The following OSBPL3 variants were observed in gnomAD, a reference collection of about 807,000 sequenced individuals.
The protein encoded by OSBPL3 is oxysterol-binding protein-related protein 3.
Under a neutral mutation model 120.1 loss-of-function variants are expected in OSBPL3, and 65 were observed. The ratio of observed to expected loss-of-function variants is 0.54; its 90% confidence interval spans 0.44 to 0.67. The LOEUF (loss-of-function observed/expected upper bound fraction) is 0.67, where lower values mean the gene tolerates loss of function less well. Ranked by LOEUF, OSBPL3 falls within the 30% of genes least tolerant of loss-of-function variation. OSBPL3 has a pLI of 0.00. For synonymous variants in OSBPL3, 416 were observed against 402.6 expected (o/e 1.03, Z -0.40); for missense variants, 1,004 against 1,082.1 (o/e 0.93, Z 1.01).
rs779132863 is a variant in OSBPL3, at chr7:24,965,729, T to C, written c.-150+14157A>G. 1.3e-5 allele frequency among the ~76,000 whole-genome samples: 2 copies of C among 152,198 alleles called. No individual in the cohort carries two copies. The highest frequency in any genetic ancestry group is 2.9e-5 in the Non-Finnish European group (2 of 68,036). On this transcript the variant is annotated intron_variant, in intron 1 of 22. Coordinates refer to ENST00000313367, the MANE Select transcript of OSBPL3 (RefSeq NM_015550.4). This position sits in a 1 kb window ranked among gnomAD's most constrained non-coding sequence, Gnocchi z 4.3. ...TTATTAAATAATTAATTTGTTTGTTTTTGTGGAGACTGAGTCTCAGTATTC... is the reference window on the plus strand; with the variant it reads ...TTATTAAATAATTAATTTGTTTGTTCTTGTGGAGACTGAGTCTCAGTATTC...
intron 2 of OSBPL3, 118 bp downstream of exon 2, chr7:24,892,259 C>G: frequency 1.0e-6 from 1 of 981,282 alleles, no homozygotes; most frequent in Non-Finnish European, 1.5e-6. Context: ...CAAGAGATAA[C>G]CAAAAGTAAA....
chr7:24,869,163 A>G (rs1221998648), intron 5 of OSBPL3, among the ~76,000 whole-genome samples: 1 of 152,228 alleles, frequency 6.6e-6, no homozygotes, highest in Non-Finnish European at 1.5e-5. Context: ...ACTTAAAGCA[A>G]ATCACACAGA....
chr7:24,941,203 T>G (rs555185953), intron 1 of OSBPL3, among the ~76,000 whole-genome samples: 2 of 152,210 alleles, frequency 1.3e-5, no homozygotes, highest in Non-Finnish European at 2.9e-5. Context: ...TAAGAAATGT[T>G]GCCCTGAACC....
rs1814951139 is a variant in OSBPL3 at position 24,955,621 on chromosome 7, T to A, written c.-150+24265A>T. Among the ~76,000 whole-genome samples, 1 of 152,326 alleles carries A rather than the reference T, an allele frequency of 6.6e-6. No homozygotes were observed. Among genetic ancestry groups the A allele is most frequent in the East Asian group, 1.9e-4 (1 of 5,190 alleles). On this transcript the variant is annotated intron_variant, in intron 1 of 22. Coordinates refer to ENST00000313367, the MANE Select transcript of OSBPL3 (RefSeq NM_015550.4). The surrounding 1 kb of genome is among the most constrained non-coding windows in gnomAD (Gnocchi z 4.3). ...TCAGAGAGGCCTTTGGCCATTTCTA[T>A]GTAAAATCAAACAGCAGCACCCCTG... is the stretch of plus-strand genomic sequence containing the variant.
rs1276595191 is a variant in OSBPL3, at chr7:24,965,056, CAGA to C, written c.-150+14827_-150+14829del. Among the ~76,000 whole-genome samples the C allele has an allele frequency of 6.6e-6, 1 of 152,116 alleles. No homozygotes were observed. Among genetic ancestry groups the C allele is most frequent in the Non-Finnish European group, 1.5e-5 (1 of 68,030 alleles). On this transcript the variant is annotated intron_variant, in intron 1 of 22. Transcript: ENST00000313367. The surrounding 1 kb of genome is among the most constrained non-coding windows in gnomAD (Gnocchi z 4.3). ...ACTGGGCCACTAAAGTGCATGAGTT[CAGA>C]AGTAGTTAGGGAAGTTATGGAAACC...
chr7:24,852,429 T>C lies in OSBPL3; in HGVS notation c.1158+75A>G. 1 of 1,263,040 alleles carries C rather than the reference T, an allele frequency of 7.9e-7. No individual in the cohort carries two copies. 78.2% of individuals were successfully genotyped at this position (1,263,040 alleles called of 1,614,324 possible). ...TTCTCCTGAATTTTCAACATAATCA[T>C]GGAAATAGAAATTACAAACCATTCA... On this transcript the variant is annotated intron_variant, in intron 11 of 22. Transcript: ENST00000313367. The surrounding 1 kb of genome is among the most constrained non-coding windows in gnomAD (Gnocchi z 4.1).
At chr7:24,874,267 T>C (rs1475363945) in intron 2 of OSBPL3, among the ~76,000 whole-genome samples, 1 of 152,178 alleles carries the variant, frequency 6.6e-6, no homozygotes, top group Non-Finnish European at 1.5e-5. Flanking sequence ...CATTGTTAAA[T>C]AAAAATCCAA....
intron 1 of OSBPL3, among the ~76,000 whole-genome samples, chr7:24,893,935 A>C (rs1429649602): frequency 6.6e-6 from 1 of 152,200 alleles, no homozygotes; most frequent in Non-Finnish European, 1.5e-5. Context: ...CACTAAGTTC[A>C]AGTAAATTCT....
At chr7:24,842,691 A>T (rs1797935705) in intron 12 of OSBPL3, among the ~76,000 whole-genome samples, 1 of 152,234 alleles carries the variant, frequency 6.6e-6, no homozygotes, top group African/African-American at 2.4e-5. Flanking sequence ...TGTTCCATTT[A>T]AAAGGGGAAA....
rs140105955 is a variant in OSBPL3, at chr7:24,870,821, A to G, written c.292T>C (p.Cys98Arg). Residue 98 changes from cysteine to arginine, a missense_variant, in exon 5 of 23, where the codon TGC becomes CGC. Physicochemically the swap from Cys to Arg is radical, Grantham distance 180. Around this residue, in one of 4 missense-constraint regions of OSBPL3, gnomAD observed 255 missense variants for 248.7 expected, o/e 1.03. Coordinates refer to ENST00000313367, the MANE Select transcript of OSBPL3 (RefSeq NM_015550.4). ...ATCACTGAGAGCCCGACATCAATGC[A>G]GCCATGCAGCTTCTCTCTCTCTATC... Reference protein sequence around the residue: ...TDIEREKLHGCIDVGLSVMSV... With the variant: ...TDIEREKLHGRIDVGLSVMSV... 6 of 1,613,402 alleles carry G rather than the reference A, an allele frequency of 3.7e-6. No homozygotes were observed. The highest frequency in any genetic ancestry group is 2.2e-5 in the East Asian group (1 of 44,884).
In OSBPL3 at chr7:24,939,954, G is replaced by A. The variant is rs1401844508; in HGVS notation, c.-150+39932C>T. Among the ~76,000 whole-genome samples, 2 of 152,172 alleles carry A rather than the reference G, an allele frequency of 1.3e-5. No individual in the cohort carries two copies. Among genetic ancestry groups the A allele is most frequent in the African/African-American group, 4.8e-5 (2 of 41,440 alleles). ...ATCACCATGGCACATGTATACCTAT[G>A]TAACAAACCTGCATGTTCTGCACAT... On this transcript the variant is annotated intron_variant, in intron 1 of 22. Transcript: ENST00000313367. The surrounding 1 kb of genome is among the most constrained non-coding windows in gnomAD (Gnocchi z 4.2).
Position 24,878,550 on chromosome 7 carries a change from C to T in OSBPL3, c.97-6481G>A, listed in dbSNP as rs147097256. On this transcript the variant is annotated intron_variant, in intron 2 of 22. Transcript: ENST00000313367. ...TTCTATGAACACTGACAATACTTGT[C>T]AATAGATTTTCAATTAATAGAATGA... Among the ~76,000 whole-genome samples the T allele has an allele frequency of 3.3e-5, 5 of 152,236 alleles. No homozygotes were observed. In the East Asian group the frequency reaches 9.6e-4, roughly 29 times the overall value.
intron 14 of OSBPL3, 28 bp downstream of exon 14, chr7:24,840,662 T>G: frequency 9.6e-7 from 1 of 1,036,548 alleles, no homozygotes; most frequent in Non-Finnish European, 1.4e-6. Context: ...ATCCAAACTT[T>G]TCAGAGATTA....
At position 24,964,198 on chromosome 7, in the gene OSBPL3, C is replaced by CA. The variant is rs1487630793; in HGVS notation, c.-150+15687dup. Reference sequence around the variant, plus strand: ...ATAATTTATGTAGCTACACCACCCTCAAGGAAGTGCAGTGTAACTCCCCAC... The same window carrying CA: ...ATAATTTATGTAGCTACACCACCCTCAAAGGAAGTGCAGTGTAACTCCCCAC... On this transcript the variant is annotated intron_variant, in intron 1 of 22. Transcript: ENST00000313367. The surrounding 1 kb of genome is among the most constrained non-coding windows in gnomAD (Gnocchi z 4.2). 1.3e-5 allele frequency among the ~76,000 whole-genome samples: 2 copies of CA among 152,288 alleles called. No homozygotes were observed. Among genetic ancestry groups the CA allele is most frequent in the East Asian group, 3.9e-4 (2 of 5,188 alleles).
At chr7:24,929,111 G>A (rs1811466990) in intron 1 of OSBPL3, among the ~76,000 whole-genome samples, 1 of 152,210 alleles carries the variant, frequency 6.6e-6, no homozygotes, top group Non-Finnish European at 1.5e-5. Context: ...AGCCATGTCT[G>A]ACAGCTCTAG....
At chr7:24,948,759 C>G (rs911391145) in intron 1 of OSBPL3, among the ~76,000 whole-genome samples, 72 of 152,144 alleles carry the variant, frequency 4.7e-4, no homozygotes, top group African/African-American at 1.6e-3. Flanking sequence ...TGAAGAAAGA[C>G]ATCAGAAGTA....
At position 24,879,284 on chromosome 7, in the gene OSBPL3, T is replaced by C. The variant is rs1425209643; in HGVS notation, c.97-7215A>G. Among the ~76,000 whole-genome samples, 1 of 152,176 alleles carries C rather than the reference T, an allele frequency of 6.6e-6. No individual in the cohort carries two copies. Among genetic ancestry groups the C allele is most frequent in the Non-Finnish European group, 1.5e-5 (1 of 68,024 alleles). On this transcript the variant is annotated intron_variant, in intron 2 of 22. Coordinates refer to ENST00000313367, the MANE Select transcript of OSBPL3 (RefSeq NM_015550.4). The surrounding 1 kb of genome is among the most constrained non-coding windows in gnomAD (Gnocchi z 5.6). The stretch of plus-strand genomic sequence containing the variant: ...TTTGCATTAGCTCTATAACCTCAAG[T>C]ACAATCCCTGACTTTGGGATCTAAG...
intron 1 of OSBPL3, among the ~76,000 whole-genome samples, chr7:24,969,991 T>C (rs574880183): frequency 3.7e-4 from 56 of 152,140 alleles, no homozygotes; most frequent in Non-Finnish European, 6.9e-4. Flanking sequence ...ACAGTCCTTC[T>C]CTTCATCAAA....
chr7:24,859,369 A>C (rs1800223415), intron 10 of OSBPL3, among the ~76,000 whole-genome samples: 1 of 152,144 alleles, frequency 6.6e-6, no homozygotes, highest in Non-Finnish European at 1.5e-5. Flanking sequence ...AGTTAAGCAG[A>C]AAGATAAATA....
Sources: allele counts gnomAD v4.1 joint callset (sites outside exome capture counted in the v4.1 genomes callset), GRCh38; gene constraint gnomAD v4.1.1; regional missense constraint gnomAD v4.1.1; non-coding constraint Gnocchi (gnomAD v3.1); transcripts MANE v1.5; gene names NCBI Gene and HGNC (gene_info 2026-07-23, HGNC 2026-07-21).